Variants in RAP1GAP2 observed in about 807,000 individuals in gnomAD.
RAP1GAP2 encodes the protein RAP1 GTPase activating protein 2, also known as rap1 GTPase-activating protein 2.
Under a neutral mutation model 95.0 loss-of-function variants are expected in RAP1GAP2, and 27 were observed. The ratio of observed to expected loss-of-function variants is 0.28; its 90% confidence interval spans 0.21 to 0.39. The LOEUF is 0.39. RAP1GAP2 is among the 10% of genes least tolerant of loss of function. The probability of loss-of-function intolerance (pLI) is 1.00; values close to 1 mark genes in which losing one functional copy is unlikely to be tolerated. For synonymous variants in RAP1GAP2, 373 were observed against 380.9 expected, an observed-to-expected ratio of 0.98 and a Z score of 0.24; for missense variants, 771 against 970.0, an observed-to-expected ratio of 0.79 and a Z score of 2.72.
chr17:2,947,051 G>A lies in RAP1GAP2; in HGVS notation c.166-10708G>A, dbSNP rs970773621. Among the ~76,000 whole-genome samples, 6 of 152,306 alleles carry A rather than the reference G, an allele frequency of 3.9e-5. No homozygotes were observed. The South Asian group carries it at 8.3e-4, about 21-fold the overall frequency. Reference sequence around the variant, plus strand: ...ATTACAGGCGTGAGCCACCGTGCCCGGCCGGAAACTGTGTTTTAACTAGCC... The same window carrying A: ...ATTACAGGCGTGAGCCACCGTGCCCAGCCGGAAACTGTGTTTTAACTAGCC... On this transcript the variant is annotated intron_variant, in intron 3 of 24. Coordinates refer to ENST00000254695, the MANE Select transcript of RAP1GAP2 (RefSeq NM_015085.5).
Position 2,906,533 on chromosome 17 carries a change from C to T in RAP1GAP2, c.165+1165C>T, listed in dbSNP as rs547249171. On this transcript the variant is annotated intron_variant, in intron 3 of 24. Coordinates refer to ENST00000254695, the MANE Select transcript of RAP1GAP2 (RefSeq NM_015085.5). The surrounding 1 kb of genome is among the most constrained non-coding windows in gnomAD (Gnocchi z 4.3). ...GCTGTGCTGTCTTCCTTGTGCAGTA[C>T]CCAGAGGGCAGTGGAAGCCAGACCA... 7.2e-5 allele frequency among the ~76,000 whole-genome samples: 11 copies of T among 152,034 alleles called. No homozygotes were observed. The highest frequency in any genetic ancestry group is 1.3e-4 in the Non-Finnish European group (9 of 68,000).
Position 3,007,634 on chromosome 17 carries a change from T to G in RAP1GAP2, c.1360-377T>G, listed in dbSNP as rs577121946. 3.3e-5 allele frequency among the ~76,000 whole-genome samples: 5 copies of G among 152,276 alleles called. No homozygotes were observed. In the East Asian group the frequency reaches 7.7e-4, roughly 24 times the overall value. On this transcript the variant is annotated intron_variant, in intron 16 of 24. Coordinates refer to ENST00000254695, the MANE Select transcript of RAP1GAP2 (RefSeq NM_015085.5). The stretch of plus-strand genomic sequence containing the variant: ...TGTGAATAGCGGCCCCTGGCATCCA[T>G]GTGCATGGCTCTGGACGAACATCTG...
rs9904132 is a variant in RAP1GAP2 at position 3,037,368 on chromosome 17, C to A, written c.*4007C>A. The A allele has an allele frequency of 4.8e-5, 3 of 62,324 alleles. No homozygotes were observed. Among genetic ancestry groups the A allele is most frequent in the African/African-American group, 1.1e-4 (3 of 26,152 alleles). 3.9% of individuals were successfully genotyped at this position (62,324 alleles called of 1,614,324 possible). A position where few individuals can be genotyped will look rare whatever the true frequency, so the allele number is the denominator to read the frequency against. ...TTCTGCTTGGAAGTGTGAACTACCCCCCCCCCCCCGCTTCCTGCTCCTTAG... is the reference window on the plus strand; with the variant it reads ...TTCTGCTTGGAAGTGTGAACTACCCACCCCCCCCCGCTTCCTGCTCCTTAG... On this transcript the variant is annotated 3_prime_UTR_variant, in exon 25 of 25. Coordinates refer to ENST00000254695, the MANE Select transcript of RAP1GAP2 (RefSeq NM_015085.5).
chr17:2,956,605 C>T (rs1597716800), intron 3 of RAP1GAP2, among the ~76,000 whole-genome samples: 1 of 152,224 alleles, frequency 6.6e-6, no homozygotes, highest in African/African-American at 2.4e-5. Flanking sequence ...CACTCATGAC[C>T]TCCCGGCTTC....
chr17:2,928,687 A>G (rs540441638), intron 3 of RAP1GAP2, among the ~76,000 whole-genome samples: 1 of 151,724 alleles, frequency 6.6e-6, no homozygotes, highest in East Asian at 1.9e-4. Flanking sequence ...GCGGGCAAAC[A>G]CTCCAGCAGC....
At chr17:2,947,487 C>T (rs551392069) in intron 3 of RAP1GAP2, among the ~76,000 whole-genome samples, 2 of 152,342 alleles carry the variant, frequency 1.3e-5, no homozygotes, top group South Asian at 2.1e-4. Context: ...TCAGCCCTCA[C>T]CGCTTGCTTC....
intron 2 of RAP1GAP2, among the ~76,000 whole-genome samples, chr17:2,807,550 G>C (rs1411002732): frequency 2.6e-5 from 4 of 152,166 alleles, no homozygotes; most frequent in African/African-American, 7.2e-5. Flanking sequence ...AGAAAGGATG[G>C]AGGGGGGCCT....
chr17:2,800,638 C>T (rs2069248784), intron 2 of RAP1GAP2, 88 bp downstream of exon 2: 1 of 1,368,708 alleles, frequency 7.3e-7, no homozygotes, highest in Non-Finnish European at 1.0e-6. Context: ...GTGGGAGACA[C>T]AAGAGGGGCT....
intron 3 of RAP1GAP2, among the ~76,000 whole-genome samples, chr17:2,914,167 C>T (rs1281102736): frequency 6.6e-6 from 1 of 152,152 alleles, no homozygotes; most frequent in African/African-American, 2.4e-5. Context: ...AGCCACCATG[C>T]CTGGCCGGTG....
chr17:3,032,429 G>A lies in RAP1GAP2; in HGVS notation c.*10G>A. 6.2e-7 allele frequency: 1 copy of A among 1,613,902 alleles called. No individual in the cohort carries two copies. Among genetic ancestry groups the A allele is most frequent in the Non-Finnish European group, 8.5e-7 (1 of 1,179,778 alleles). On this transcript the variant is annotated 3_prime_UTR_variant, in exon 24 of 25. Coordinates refer to ENST00000254695, the MANE Select transcript of RAP1GAP2 (RefSeq NM_015085.5). Reference sequence around the variant, plus strand: ...GAAACAGGGTCACTAATGTGAAAGTGGAGTCCTTCGCCTGTCCAAGGTGGG... The same window carrying A: ...GAAACAGGGTCACTAATGTGAAAGTAGAGTCCTTCGCCTGTCCAAGGTGGG...
At position 3,035,130 on chromosome 17, in the gene RAP1GAP2, C is replaced by G. The variant is rs372261053; in HGVS notation, c.*1769C>G. The G allele has an allele frequency of 4.6e-5, 7 of 152,678 alleles. 1 individual carries two copies. The East Asian group carries it at 1.2e-3, about 25-fold the overall frequency. The allele number at this position is 152,678 out of a possible 1,614,324, so 9.5% of individuals were successfully genotyped here. ...GGAGCTCTCCCTTTGCTAGTACTTT[C>G]TCTAAAGTACTAGTCTAGTAAAATT... On this transcript the variant is annotated 3_prime_UTR_variant, in exon 25 of 25. Transcript: ENST00000254695. This position sits in a 1 kb window ranked among gnomAD's most constrained non-coding sequence, Gnocchi z 4.3.
intron 3 of RAP1GAP2, among the ~76,000 whole-genome samples, chr17:2,911,912 C>T (rs982552869): frequency 1.3e-5 from 2 of 152,176 alleles, no homozygotes; most frequent in African/African-American, 2.4e-5. Flanking sequence ...GGAGCCGCAC[C>T]GGGCCCTGAG....
intron 2 of RAP1GAP2, among the ~76,000 whole-genome samples, chr17:2,804,918 C>T (rs1422642306): frequency 6.6e-6 from 1 of 152,168 alleles, no homozygotes; most frequent in African/African-American, 2.4e-5. Context: ...CTCTTCCAGC[C>T]TTGACGTTCT....
intron 2 of RAP1GAP2, among the ~76,000 whole-genome samples, chr17:2,806,045 T>C (rs566700886): frequency 6.6e-6 from 1 of 152,176 alleles, no homozygotes; most frequent in Non-Finnish European, 1.5e-5. Flanking sequence ...TGATGGGACC[T>C]GGGTGCAGCT....
At chr17:2,850,709 C>A (rs1265667530) in intron 2 of RAP1GAP2, among the ~76,000 whole-genome samples, 1 of 143,058 alleles carries the variant, frequency 7.0e-6, no homozygotes, top group African/African-American at 2.6e-5. Flanking sequence ...AAGATCTTGC[C>A]ACTGCACTCC....
chr17:2,947,239 A>G (rs545012685), intron 3 of RAP1GAP2, among the ~76,000 whole-genome samples: 8 of 140,364 alleles, frequency 5.7e-5, no homozygotes, highest in African/African-American at 2.2e-4. Flanking sequence ...GAAGGGAAAG[A>G]GGAGCAAGCA....
chr17:2,978,502 T>C (rs2045219476), intron 8 of RAP1GAP2, among the ~76,000 whole-genome samples: 1 of 152,208 alleles, frequency 6.6e-6, no homozygotes, highest in African/African-American at 2.4e-5. Flanking sequence ...TTCATCATGC[T>C]ATTCAGGACG....
At chr17:2,756,091 C>A (rs1015779676) in intron 1 of RAP1GAP2, among the ~76,000 whole-genome samples, 1 of 152,260 alleles carries the variant, frequency 6.6e-6, no homozygotes, top group Non-Finnish European at 1.5e-5. Flanking sequence ...TCGCACGGGG[C>A]TTCCGCCTTC....
intron 3 of RAP1GAP2, among the ~76,000 whole-genome samples, chr17:2,911,079 CG>C (rs1420243893): frequency 1.3e-5 from 2 of 152,146 alleles, no homozygotes; most frequent in Non-Finnish European, 2.9e-5. Flanking sequence ...CTCACGCTTG[CG>C]GGCCCAGGGA....
Sources: allele counts gnomAD v4.1 joint callset (sites outside exome capture counted in the v4.1 genomes callset), GRCh38; gene constraint gnomAD v4.1.1; non-coding constraint Gnocchi (gnomAD v3.1); transcripts MANE v1.5; gene names NCBI Gene and HGNC (gene_info 2026-07-23, HGNC 2026-07-21).